DPH6: variants seen among roughly 807,000 people sequenced by gnomAD.
DPH6 encodes the protein diphthine--ammonia ligase.
Under a neutral mutation model 38.2 loss-of-function variants are expected in DPH6, and 33 were observed. That is an observed-to-expected ratio of 0.86 (90% CI 0.65 to 1.15). The LOEUF (loss-of-function observed/expected upper bound fraction) is 1.15. Ranked by LOEUF, DPH6 falls within the 50% of genes most tolerant of loss-of-function variation. DPH6 has a pLI of 0.00. For missense variants in DPH6, 325 were observed against 320.0 expected (o/e 1.02, Z -0.12); for synonymous variants, 108 against 103.0 (o/e 1.05, Z -0.30).
chr15:35,467,825 A>T (rs1051193188), intron 3 of DPH6, among the ~76,000 whole-genome samples: 7 of 152,136 alleles, frequency 4.6e-5, no homozygotes, highest in Non-Finnish European at 8.8e-5. Flanking sequence ...CAAATATAAC[A>T]ATAAACAGTC....
At chr15:35,426,679 G>A (rs2053573797) in intron 5 of DPH6, among the ~76,000 whole-genome samples, 1 of 151,630 alleles carries the variant, frequency 6.6e-6, no homozygotes, top group South Asian at 2.1e-4. Flanking sequence ...TAACCCAAAA[G>A]GTGAGACTTC....
At chr15:35,359,871 T>C (rs1216993271) in intron 3 of DPH6, among the ~76,000 whole-genome samples, 1 of 152,186 alleles carries the variant, frequency 6.6e-6, no homozygotes, top group East Asian at 1.9e-4. Context: ...AAGGTTTCTA[T>C]ATTTTTTTCA....
intron 3 of DPH6, among the ~76,000 whole-genome samples, chr15:35,466,030 CTT>C (rs1325767822): frequency 6.6e-6 from 1 of 151,758 alleles, no homozygotes; most frequent in Non-Finnish European, 1.5e-5. Context: ...CTGAAGCAAT[CTT>C]TTTGCTAAAA....
At chr15:35,223,490 C>T (rs74473949) in intron 3 of DPH6, among the ~76,000 whole-genome samples, 1 of 152,186 alleles carries the variant, frequency 6.6e-6, no homozygotes, top group African/African-American at 2.4e-5. Flanking sequence ...ATGGAGACCA[C>T]CCTGGCTAAG....
At chr15:35,162,168 G>T in the DPH6 span, among the ~76,000 whole-genome samples, 2 of 151,812 alleles carry the variant, frequency 1.3e-5, no homozygotes, top group East Asian at 3.9e-4. Context: ...GTCTTCTAAT[G>T]GATCCCCTTG....
chr15:35,345,135 C>T (rs2052451321), intron 3 of DPH6, among the ~76,000 whole-genome samples: 2 of 151,652 alleles, frequency 1.3e-5, no homozygotes, highest in African/African-American at 4.8e-5. Context: ...AAGATATGCC[C>T]AAAGTCACTT....
chr15:35,413,961 T>C (rs1272690491), intron 5 of DPH6, among the ~76,000 whole-genome samples: 1 of 151,746 alleles, frequency 6.6e-6, no homozygotes, highest in East Asian at 1.9e-4. Flanking sequence ...CAAAACCATA[T>C]TTTTAAAGTC....
intron 3 of DPH6, among the ~76,000 whole-genome samples, chr15:35,536,799 C>T (rs1231641900): frequency 6.6e-6 from 1 of 152,054 alleles, no homozygotes; most frequent in Non-Finnish European, 1.5e-5. Flanking sequence ...CAGTAGTTCA[C>T]ACTTCAAAGT....
chr15:35,162,442 T>C, the DPH6 span, among the ~76,000 whole-genome samples: 1 of 151,902 alleles, frequency 6.6e-6, no homozygotes, highest in African/African-American at 2.4e-5. Context: ...CTTCTAAGCA[T>C]GTTAATTGTG....
chr15:35,290,774 G>A (rs1290295789), intron 3 of DPH6, among the ~76,000 whole-genome samples: 2 of 151,700 alleles, frequency 1.3e-5, no homozygotes, highest in Non-Finnish European at 2.9e-5. Context: ...TTGCCAGAAG[G>A]TTAGGATGTT....
intron 5 of DPH6, among the ~76,000 whole-genome samples, chr15:35,448,875 T>C (rs1256292000): frequency 6.6e-6 from 1 of 151,982 alleles, no homozygotes; most frequent in Non-Finnish European, 1.5e-5. Flanking sequence ...AATATATTTG[T>C]ATGCATTCAT....
At chr15:35,301,404 C>G (rs563421457) in intron 3 of DPH6, among the ~76,000 whole-genome samples, 10 of 152,138 alleles carry the variant, frequency 6.6e-5, no homozygotes, top group Admixed American at 2.0e-4. Context: ...TGGTAAAATA[C>G]GAAGAATAAC....
At chr15:35,294,674 G>T (rs1366822253) in intron 3 of DPH6, among the ~76,000 whole-genome samples, 1 of 152,148 alleles carries the variant, frequency 6.6e-6, no homozygotes, top group Non-Finnish European at 1.5e-5. Flanking sequence ...AACCAAAACA[G>T]GTATAGTCCC....
rs919014352 is a variant in DPH6, at chr15:35,371,613, G to T, written c.*537C>A. 1.0e-6 allele frequency: 1 copy of T among 983,220 alleles called. No individual in the cohort carries two copies. Among genetic ancestry groups the T allele is most frequent in the Non-Finnish European group, 1.2e-6 (1 of 828,116 alleles). The allele number at this position is 983,220 out of a possible 1,614,324, so 60.9% of individuals were successfully genotyped here. ...TTAAAAATCAGTTATAAAATAACTTGTAAGAGTTAAGGACATTCTTCCTAA... is the reference window on the plus strand; with the variant it reads ...TTAAAAATCAGTTATAAAATAACTTTTAAGAGTTAAGGACATTCTTCCTAA... On this transcript the variant is annotated 3_prime_UTR_variant, in exon 9 of 9. Transcript: ENST00000256538.
rs1056790596 is a variant in DPH6, at chr15:35,510,746, A to G, written c.312+27528T>C. Among the ~76,000 whole-genome samples the G allele has an allele frequency of 2.0e-5, 3 of 152,330 alleles. No homozygotes were observed. The East Asian group carries it at 5.8e-4, about 29-fold the overall frequency. On this transcript the variant is annotated intron_variant, in intron 3 of 8. Coordinates refer to ENST00000256538, the MANE Select transcript of DPH6 (RefSeq NM_080650.4). ...ACCAAAAACCCTGATACATGTCATC[A>G]TTAGTCTACACTAAGTAGCAAACTA... is the stretch of plus-strand genomic sequence containing the variant.
intron 5 of DPH6, among the ~76,000 whole-genome samples, chr15:35,426,104 T>C (rs184087200): frequency 4.6e-5 from 7 of 151,608 alleles, no homozygotes; most frequent in Admixed American, 4.6e-4. Flanking sequence ...ACTCGAAATT[T>C]GTATTTAACT....
chr15:35,214,983 T>C (rs2051404246), downstream of DPH6, among the ~76,000 whole-genome samples: 1 of 152,216 alleles, frequency 6.6e-6, no homozygotes, highest in South Asian at 2.1e-4. Context: ...ACCTGAGTGA[T>C]CCTTGTAACA....
At chr15:35,452,182 T>C (rs2053944259) in intron 4 of DPH6, among the ~76,000 whole-genome samples, 1 of 152,214 alleles carries the variant, frequency 6.6e-6, no homozygotes, top group South Asian at 2.1e-4. Context: ...TGCTGCCTGC[T>C]CATTCTTGCC....
At chr15:35,149,941 A>G in the DPH6 span, among the ~76,000 whole-genome samples, 1 of 152,320 alleles carries the variant, frequency 6.6e-6, no homozygotes, top group African/African-American at 2.4e-5. Context: ...TGAGTGCAGA[A>G]ATATTTTTAT....
Sources: allele counts gnomAD v4.1 joint callset (sites outside exome capture counted in the v4.1 genomes callset), GRCh38; gene constraint gnomAD v4.1.1; transcripts MANE v1.5; gene names NCBI Gene and HGNC (gene_info 2026-07-23, HGNC 2026-07-21).